Variants in KIAA1328 observed in about 807,000 individuals in gnomAD.
KIAA1328 encodes protein hinderin.
A neutral mutation model predicts 68.1 loss-of-function variants in KIAA1328; 52 were observed. The observed-to-expected ratio is 0.76, with a 90% CI of 0.61 to 0.96. The LOEUF (loss-of-function observed/expected upper bound fraction) is 0.96, where lower values mean the gene tolerates loss of function less well. Among genes scored for constraint, KIAA1328 ranks in the 40% least tolerant of loss-of-function variants. The pLI, the probability that KIAA1328 is intolerant of heterozygous loss-of-function variation, is 0.00. For missense variants in KIAA1328, 641 were observed against 677.6 expected (o/e 0.95, Z 0.60); for synonymous variants, 232 against 239.4 (o/e 0.97, Z 0.28).
intron 9 of KIAA1328, among the ~76,000 whole-genome samples, chr18:37,199,838 T>C (rs1039169005): frequency 6.6e-6 from 1 of 152,258 alleles, no homozygotes; most frequent in African/African-American, 2.4e-5. Flanking sequence ...TGCATTTCTT[T>C]AATGATCAAT....
intron 7 of KIAA1328, among the ~76,000 whole-genome samples, chr18:37,158,596 A>G (rs574444046): frequency 6.6e-6 from 1 of 152,294 alleles, no homozygotes; most frequent in African/African-American, 2.4e-5. Flanking sequence ...GAAGAGAGGA[A>G]TAGTAGATGG....
chr18:37,072,488 A>G (rs1359916588), intron 7 of KIAA1328, among the ~76,000 whole-genome samples: 1 of 152,104 alleles, frequency 6.6e-6, no homozygotes, highest in African/African-American at 2.4e-5. Context: ...TCTTTATCCT[A>G]TAAGGACTTT....
At chr18:36,977,722 A>G (rs907283143) in intron 6 of KIAA1328, among the ~76,000 whole-genome samples, 3 of 152,130 alleles carry the variant, frequency 2.0e-5, no homozygotes, top group East Asian at 1.9e-4. Flanking sequence ...TTAGTGATTG[A>G]CAAGACTCAG....
chr18:37,169,369 G>A (rs569651155), intron 8 of KIAA1328, among the ~76,000 whole-genome samples: 2 of 152,078 alleles, frequency 1.3e-5, no homozygotes, highest in South Asian at 4.1e-4. Context: ...GTTTCACTAT[G>A]TTGGCCAGGC....
At chr18:37,145,160 G>C (rs1034884438) in intron 7 of KIAA1328, among the ~76,000 whole-genome samples, 11 of 151,806 alleles carry the variant, frequency 7.2e-5, no homozygotes, top group African/African-American at 2.7e-4. Context: ...AGCCATGATC[G>C]CACCACTGCA....
At position 37,007,444 on chromosome 18, in the gene KIAA1328, T is replaced by A. The variant is rs2053823652; in HGVS notation, c.576+48009T>A. Among the ~76,000 whole-genome samples, 4 of 152,188 alleles carry A rather than the reference T, an allele frequency of 2.6e-5. No homozygotes were observed. The South Asian group carries it at 8.3e-4, about 32-fold the overall frequency. ...GTATAGTGCTTGTGAAGGTTCTGAT[T>A]GTTCAACTGAAAGAACAAGTATTTA... is the stretch of plus-strand genomic sequence containing the variant. On this transcript the variant is annotated intron_variant, in intron 6 of 9. Transcript: ENST00000280020.
intron 9 of KIAA1328, among the ~76,000 whole-genome samples, chr18:37,203,988 G>A (rs1171562391): frequency 6.6e-6 from 1 of 151,950 alleles, no homozygotes; most frequent in East Asian, 1.9e-4. Context: ...TTTTTTGTAT[G>A]TTTAGTAGAG....
intron 5 of KIAA1328, among the ~76,000 whole-genome samples, chr18:36,950,944 A>T (rs1214371830): frequency 6.6e-6 from 1 of 152,254 alleles, no homozygotes; most frequent in Admixed American, 6.5e-5. Flanking sequence ...ATGGACAACC[A>T]AGTAATGTCA....
At chr18:37,057,508 A>G (rs2055961923) in intron 6 of KIAA1328, among the ~76,000 whole-genome samples, 2 of 151,506 alleles carry the variant, frequency 1.3e-5, no homozygotes, top group South Asian at 4.2e-4. Flanking sequence ...GCTCACTGCA[A>G]GCTCCGCCTC....
chr18:36,886,449 T>TG (rs2048503376), intron 5 of KIAA1328: 1 of 152,204 alleles, frequency 6.6e-6, no homozygotes, highest in Non-Finnish European at 1.5e-5. Flanking sequence ...AGCATAATGC[T>TG]GCCAAATCCT....
At chr18:37,176,191 A>T (rs1428592929) in intron 9 of KIAA1328, among the ~76,000 whole-genome samples, 2 of 152,240 alleles carry the variant, frequency 1.3e-5, no homozygotes. Flanking sequence ...AAATATGAAT[A>T]ATGTATTGTA....
intron 9 of KIAA1328, among the ~76,000 whole-genome samples, chr18:37,209,795 C>A (rs1274031438): frequency 4.6e-5 from 7 of 151,750 alleles, no homozygotes; most frequent in Non-Finnish European, 1.0e-4. Context: ...GTTTGAGATG[C>A]CCATTACACT....
intron 3 of KIAA1328, among the ~76,000 whole-genome samples, chr18:36,841,052 C>T (rs530469418): frequency 1.3e-5 from 2 of 152,024 alleles, no homozygotes; most frequent in South Asian, 4.2e-4. Flanking sequence ...GATAAGTGTC[C>T]TTTTTGCTAG....
intron 6 of KIAA1328, among the ~76,000 whole-genome samples, chr18:36,989,794 A>C (rs2053098513): frequency 6.6e-6 from 1 of 152,058 alleles, no homozygotes; most frequent in Non-Finnish European, 1.5e-5. Context: ...CCCCGGGTTC[A>C]TGCCGTTCTC....
At chr18:37,042,584 A>T (rs983265567) in intron 6 of KIAA1328, among the ~76,000 whole-genome samples, 1 of 152,016 alleles carries the variant, frequency 6.6e-6, no homozygotes, top group African/African-American at 2.4e-5. Context: ...TTTTGGCTTC[A>T]TTGTTTCTCA....
chr18:37,184,804 A>G (rs559000507), intron 9 of KIAA1328, among the ~76,000 whole-genome samples: 1 of 152,320 alleles, frequency 6.6e-6, no homozygotes, highest in African/African-American at 2.4e-5. Flanking sequence ...GTATGAAGAA[A>G]TGAACATTTC....
intron 6 of KIAA1328, among the ~76,000 whole-genome samples, chr18:37,024,726 C>T (rs550911346): frequency 7.9e-5 from 12 of 152,252 alleles, no homozygotes; most frequent in African/African-American, 2.6e-4. Context: ...TTTATTGCTG[C>T]ATAGTATTCC....
chr18:36,957,931 C>A (rs1396831717), intron 5 of KIAA1328, among the ~76,000 whole-genome samples: 1 of 152,098 alleles, frequency 6.6e-6, no homozygotes, highest in African/African-American at 2.4e-5. Flanking sequence ...ACCTTTCCCC[C>A]AAAATTCATA....
At chr18:37,159,364 T>C (rs995638712) in intron 7 of KIAA1328, among the ~76,000 whole-genome samples, 2 of 152,226 alleles carry the variant, frequency 1.3e-5, no homozygotes, top group African/African-American at 4.8e-5. Flanking sequence ...TTAAACGTTT[T>C]AATTTTAGAA....
Sources: gnomAD v4.1 joint callset for allele counts (sites outside exome capture counted in the v4.1 genomes callset) on GRCh38, gnomAD v4.1.1 for gene constraint, MANE v1.5 for transcripts, NCBI Gene and HGNC (gene_info 2026-07-23, HGNC 2026-07-21) for gene names.